SBF2: variants seen among roughly 807,000 people sequenced by gnomAD.
SBF2 encodes the protein myotubularin-related protein 13.
SBF2 carries 112 observed loss-of-function variants against 225.2 expected under a neutral mutation model. That is an observed-to-expected ratio of 0.50 (90% CI 0.43 to 0.58). The LOEUF (loss-of-function observed/expected upper bound fraction) is 0.58. SBF2 is among the 20% of genes least tolerant of loss of function. SBF2 has a pLI of 0.00. For missense variants in SBF2, 1,996 were observed against 2,206.2 expected (o/e 0.90, Z 1.91); for synonymous variants, 763 against 773.3 (o/e 0.99, Z 0.22).
intron 21 of SBF2, among the ~76,000 whole-genome samples, chr11:9,850,737 A>G (rs1856863715): frequency 1.3e-5 from 2 of 152,222 alleles, no homozygotes; most frequent in South Asian, 4.1e-4. Flanking sequence ...GAATTGTGTA[A>G]AAGTAAAGTC....
chr11:9,849,886 A>G (rs1371504074), intron 22 of SBF2, 137 bp downstream of exon 22: 3 of 813,498 alleles, frequency 3.7e-6, no homozygotes, highest in Non-Finnish European at 6.4e-6. Flanking sequence ...GTCAGACTAA[A>G]GTATTTCACC....
intron 13 of SBF2, among the ~76,000 whole-genome samples, chr11:9,978,719 T>C (rs1946809672): frequency 6.6e-6 from 1 of 152,156 alleles, no homozygotes; most frequent in Non-Finnish European, 1.5e-5. Context: ...TTCGGCTCAA[T>C]GTAGCCTCAA....
intron 16 of SBF2, among the ~76,000 whole-genome samples, chr11:9,905,684 A>G (rs577813845): frequency 5.9e-5 from 9 of 152,362 alleles, no homozygotes; most frequent in South Asian, 2.1e-4. Context: ...GTTACTGGTT[A>G]GATAGATTTT....
At chr11:9,862,019 T>C (rs1306502854) in intron 17 of SBF2, among the ~76,000 whole-genome samples, 2 of 152,162 alleles carry the variant, frequency 1.3e-5, no homozygotes, top group Non-Finnish European at 2.9e-5. Flanking sequence ...GTGAAGTGAC[T>C]ATAGTACAAA....
At chr11:10,148,247 G>T (rs1033460157) in intron 2 of SBF2, among the ~76,000 whole-genome samples, 1 of 152,030 alleles carries the variant, frequency 6.6e-6, no homozygotes, top group Non-Finnish European at 1.5e-5. Context: ...GAGAATACTT[G>T]GTACATGGTC....
intron 2 of SBF2, among the ~76,000 whole-genome samples, chr11:10,127,825 C>T (rs11042639): frequency 0.034 from 5,240 of 152,198 alleles, 301 homozygotes; most frequent in East Asian, 0.17. Flanking sequence ...TCAAGATCTG[C>T]TGTTACTAAC....
chr11:10,242,193 A>C (rs1326083787), intron 1 of SBF2, among the ~76,000 whole-genome samples: 1 of 152,088 alleles, frequency 6.6e-6, no homozygotes, highest in Non-Finnish European at 1.5e-5. Context: ...TACACAACAT[A>C]AAGAGTCGTT....
At chr11:9,979,809 T>C (rs1246114214) in intron 13 of SBF2, among the ~76,000 whole-genome samples, 1 of 148,602 alleles carries the variant, frequency 6.7e-6, no homozygotes, top group Non-Finnish European at 1.5e-5. Flanking sequence ...ATTAAATTCA[T>C]CTTTTTTTTT....
Position 9,866,315 on chromosome 11 carries a change from T to C in SBF2, c.1930-7919A>G, listed in dbSNP as rs555312969. 2.6e-4 allele frequency among the ~76,000 whole-genome samples: 39 copies of C among 152,170 alleles called. No individual in the cohort carries two copies. The South Asian group carries it at 6.2e-3, about 24-fold the overall frequency. On this transcript the variant is annotated intron_variant, in intron 17 of 39. Transcript: ENST00000256190. ...ACAAAGCTGGAAGCATCACACTATCTGACTTCAAAATATACTATAAGGCTA... is the reference window on the plus strand; with the variant it reads ...ACAAAGCTGGAAGCATCACACTATCCGACTTCAAAATATACTATAAGGCTA...
At chr11:9,973,026 G>C (rs532070091) in intron 13 of SBF2, among the ~76,000 whole-genome samples, 1 of 152,304 alleles carries the variant, frequency 6.6e-6, no homozygotes, top group South Asian at 2.1e-4. Context: ...TTATGCCCCA[G>C]AATACAGTAA....
chr11:9,828,166 TCCTGGCACTA>T (rs1293453127), intron 28 of SBF2: 1 of 1,289,640 alleles, frequency 7.8e-7, no homozygotes, highest in East Asian at 5.5e-5. Flanking sequence ...CATCCAAATG[TCCTGGCACTA>T]CCTGCTTAAG....
At chr11:9,973,507 A>G (rs1458721836) in intron 13 of SBF2, among the ~76,000 whole-genome samples, 1 of 152,240 alleles carries the variant, frequency 6.6e-6, no homozygotes, top group Non-Finnish European at 1.5e-5. Flanking sequence ...GGCAGAATGC[A>G]CTGTCTTTTA....
At chr11:9,921,951 A>G (rs1863664991) in intron 16 of SBF2, among the ~76,000 whole-genome samples, 2 of 152,218 alleles carry the variant, frequency 1.3e-5, no homozygotes, top group Admixed American at 6.5e-5. Flanking sequence ...TAGCAATCAG[A>G]AAAGCCTTCA....
intron 1 of SBF2, among the ~76,000 whole-genome samples, chr11:10,195,309 C>T (rs1040173910): frequency 1.4e-4 from 21 of 152,178 alleles, no homozygotes; most frequent in Non-Finnish European, 2.8e-4. Context: ...ATCTCTATCA[C>T]TGTTGTTATA....
intron 17 of SBF2, among the ~76,000 whole-genome samples, chr11:9,881,282 A>G (rs1470485973): frequency 6.6e-6 from 1 of 152,190 alleles, no homozygotes; most frequent in African/African-American, 2.4e-5. Context: ...TATAACCATG[A>G]ACATTTTTCA....
chr11:9,888,539 A>C (rs1041525967), intron 17 of SBF2, among the ~76,000 whole-genome samples: 2 of 152,002 alleles, frequency 1.3e-5, no homozygotes, highest in Non-Finnish European at 2.9e-5. Context: ...AATATTTGAA[A>C]CTTATAAATA....
intron 24 of SBF2, among the ~76,000 whole-genome samples, chr11:9,844,122 A>G (rs1442243260): frequency 2.0e-5 from 3 of 152,212 alleles, no homozygotes; most frequent in African/African-American, 7.2e-5. Flanking sequence ...CTGAGATAAC[A>G]AACATCATAG....
chr11:10,263,833 C>T (rs1961680153), intron 1 of SBF2, among the ~76,000 whole-genome samples: 1 of 152,168 alleles, frequency 6.6e-6, no homozygotes, highest in African/African-American at 2.4e-5. Context: ...AACACTTGAA[C>T]AGTCCAAATT....
At chr11:10,239,347 T>A (rs142311954) in intron 1 of SBF2, among the ~76,000 whole-genome samples, 6 of 150,740 alleles carry the variant, frequency 4.0e-5, no homozygotes, top group Non-Finnish European at 7.4e-5. Context: ...AATTGCCATA[T>A]ACTTGGAAAT....
Sources: gnomAD v4.1 joint callset for allele counts (sites outside exome capture counted in the v4.1 genomes callset) on GRCh38, gnomAD v4.1.1 for gene constraint, MANE v1.5 for transcripts, NCBI Gene and HGNC (gene_info 2026-07-23, HGNC 2026-07-21) for gene names.